ZFP36L1: variants seen among roughly 807,000 people sequenced by gnomAD.
ZFP36L1 encodes ZFP36 like 1 zinc finger CCCH-type, also known as mRNA decay activator protein ZFP36L1.
Under a neutral mutation model 16.7 loss-of-function variants are expected in ZFP36L1, and 4 were observed. That is an observed-to-expected ratio of 0.24 (90% CI 0.12 to 0.55). The LOEUF (loss-of-function observed/expected upper bound fraction) is 0.55, where lower values mean the gene tolerates loss of function less well. Among genes scored for constraint, ZFP36L1 ranks in the 20% least tolerant of loss-of-function variants. The probability of loss-of-function intolerance (pLI) is 0.94; values close to 1 mark genes in which losing one functional copy is unlikely to be tolerated. For missense variants in ZFP36L1, 311 were observed against 449.2 expected (o/e 0.69, Z 2.78); for synonymous variants, 220 against 190.8 (o/e 1.15, Z -1.26).
In ZFP36L1 at chr14:68,787,819, T is replaced by C. The variant is rs781122247; in HGVS notation, c.*1714A>G. ...ATAATTACATTCATCTTAATGTGTG[T>C]GTGCCAGTTCTGTTTACATTAACAT... is the stretch of plus-strand genomic sequence containing the variant. On this transcript the variant is annotated 3_prime_UTR_variant, in exon 2 of 2. Transcript: ENST00000439696. 1.3e-5 allele frequency: 2 copies of C among 152,802 alleles called. No individual in the cohort carries two copies. Among genetic ancestry groups the C allele is most frequent in the Non-Finnish European group, 2.9e-5 (2 of 68,042 alleles). 9.5% of individuals were successfully genotyped at this position (152,802 alleles called of 1,614,324 possible).
chr14:68,795,314 C>G (rs998975060), upstream of ZFP36L1, among the ~76,000 whole-genome samples: 2 of 146,634 alleles, frequency 1.4e-5, no homozygotes, highest in African/African-American at 5.0e-5. Flanking sequence ...CTCCCCCACC[C>G]CCCACCCCCC....
chr14:68,792,981 G>A lies in ZFP36L1; in HGVS notation c.-43C>T, dbSNP rs1357959652. 3.7e-6 allele frequency: 6 copies of A among 1,612,308 alleles called. No homozygotes were observed. Among genetic ancestry groups the A allele is most frequent in the African/African-American group, 2.7e-5 (2 of 74,888 alleles). Reference sequence around the variant, plus strand: ...GCCAGGGGCGAGGATCTGGTGTGTCGCGAAGGTCCCGGTGCGGGGAAGGCG... The same window carrying A: ...GCCAGGGGCGAGGATCTGGTGTGTCACGAAGGTCCCGGTGCGGGGAAGGCG... On this transcript the variant is annotated 5_prime_UTR_variant, in exon 1 of 2. Coordinates refer to ENST00000439696, the MANE Select transcript of ZFP36L1 (RefSeq NM_004926.4).
At chr14:68,795,952 G>T (rs750738531), upstream of ZFP36L1, 3 of 1,273,816 alleles carry the variant, frequency 2.4e-6, no homozygotes, top group Non-Finnish European at 3.2e-6. Flanking sequence ...GGTGGCGGGA[G>T]GGCGGCCCTA....
At chr14:68,793,808 A>G (rs1300142540), upstream of ZFP36L1, 2 of 984,040 alleles carry the variant, frequency 2.0e-6, no homozygotes, top group Non-Finnish European at 2.4e-6. Flanking sequence ...TGGGGGGACT[A>G]GGGAAACTTT....
In ZFP36L1 at chr14:68,789,936, G is replaced by C; in HGVS notation, c.614C>G (p.Ala205Gly). Residue 205 changes from alanine (A) to glycine (G), a missense_variant, in exon 2 of 2, where the codon GCT becomes GGT. Coordinates refer to ENST00000439696, the MANE Select transcript of ZFP36L1 (RefSeq NM_004926.4). The surrounding 1 kb of genome is among the most constrained non-coding windows in gnomAD (Gnocchi z 4.5). ...RPRLQHSFSF[A>G]GFPSAAATAA... ...GGTGGCAGCGGCACTGGGAAACCCA[G>C]CAAAGCTAAAGCTATGCTGGAGGCG... 6.2e-7 allele frequency: 1 copy of C among 1,609,976 alleles called. No homozygotes were observed. Among genetic ancestry groups the C allele is most frequent in the Non-Finnish European group, 8.5e-7 (1 of 1,179,382 alleles).
At chr14:68,795,873 C>T, upstream of ZFP36L1, 2 of 639,288 alleles carry the variant, frequency 3.1e-6, no homozygotes, top group South Asian at 2.7e-5. Context: ...CCGGCGTCCC[C>T]GCCGCGGTGA....
In ZFP36L1 at chr14:68,789,960, C is replaced by T. The variant is rs1566559839; in HGVS notation, c.590G>A (p.Arg197His). 1.2e-6 allele frequency: 2 copies of T among 1,606,642 alleles called. No individual in the cohort carries two copies. The highest frequency in any genetic ancestry group is 8.5e-7 in the Non-Finnish European group (1 of 1,177,092). ...AGCAAAGCTAAAGCTATGCTGGAGG[C>T]GGGGACGGTCAGCGGAGAGGTCCCG... ...GARDLSADRPRLQHSFSFAGF... is the reference protein window; with the variant it reads ...GARDLSADRPHLQHSFSFAGF... The change falls in exon 2 of 2, where the codon CGC becomes CAC. Residue 197 changes from arginine to histidine, a missense_variant. Arg to His is a conservative substitution (Grantham distance 29). Around this residue, in one of 4 missense-constraint regions of ZFP36L1, gnomAD observed 147 missense variants for 192.0 expected, o/e 0.77. Coordinates refer to ENST00000439696, the MANE Select transcript of ZFP36L1 (RefSeq NM_004926.4). This position sits in a 1 kb window ranked among gnomAD's most constrained non-coding sequence, Gnocchi z 4.5.
chr14:68,789,914 G>A lies in ZFP36L1; in HGVS notation c.636C>T (p.Ala212=), dbSNP rs757366032. 10 of 1,609,788 alleles carry A rather than the reference G, an allele frequency of 6.2e-6. No homozygotes were observed. Among genetic ancestry groups the A allele is most frequent in the Non-Finnish European group, 8.5e-6 (10 of 1,179,688 alleles). The change falls in exon 2 of 2, where the codon GCC becomes GCT. Residue 212 remains alanine (A), a synonymous_variant. Coordinates refer to ENST00000439696, the MANE Select transcript of ZFP36L1 (RefSeq NM_004926.4). This position sits in a 1 kb window ranked among gnomAD's most constrained non-coding sequence, Gnocchi z 4.5. The part of the protein sequence containing the change: ...FSFAGFPSAA[A]TAAATGLLDS... ...CCAGCAGCCCGGTGGCAGCGGCGGT[G>A]GCAGCGGCACTGGGAAACCCAGCAA...
intron 1 of ZFP36L1, among the ~76,000 whole-genome samples, chr14:68,792,181 A>T (rs1170569145): frequency 6.7e-6 from 1 of 149,888 alleles, no homozygotes; most frequent in African/African-American, 2.5e-5. Context: ...TTTTGTCGCC[A>T]CCTCCCCCCC....
chr14:68,793,680 C>G (rs983686090), upstream of ZFP36L1: 2 of 985,420 alleles, frequency 2.0e-6, no homozygotes, highest in South Asian at 9.4e-5. Context: ...ACACTCGGCT[C>G]CCTTCGGCAA....
upstream of ZFP36L1, chr14:68,795,700 A>G: frequency 8.1e-6 from 4 of 490,954 alleles, no homozygotes; most frequent in Admixed American, 8.5e-5. Flanking sequence ...CTCGCTCCCG[A>G]GTTGTTTACC....
Position 68,792,948 on chromosome 14 carries a change from T to C in ZFP36L1, c.-10A>G, listed in dbSNP as rs1000947556. ...CGAGGGTGGTGGTCATCCTGTGCGT[T>C]CGCGCGAGCCAGGGGCGAGGATCTG... On this transcript the variant is annotated 5_prime_UTR_variant, in exon 1 of 2. Coordinates refer to ENST00000439696, the MANE Select transcript of ZFP36L1 (RefSeq NM_004926.4). 6.2e-7 allele frequency: 1 copy of C among 1,613,758 alleles called. No individual in the cohort carries two copies. Among genetic ancestry groups the C allele is most frequent in the South Asian group, 1.1e-5 (1 of 91,076 alleles).
intron 1 of ZFP36L1, among the ~76,000 whole-genome samples, chr14:68,792,394 A>T (rs1314829162): frequency 6.6e-6 from 1 of 152,126 alleles, no homozygotes; most frequent in African/African-American, 2.4e-5. Context: ...TCTTCCTCGC[A>T]TATCCCCAGC....
rs201731801 is a variant in ZFP36L1 at position 68,789,974 on chromosome 14, G to A, written c.576C>T (p.Ser192=). The A allele has an allele frequency of 1.2e-6, 2 of 1,606,414 alleles. No individual in the cohort carries two copies. Among genetic ancestry groups the A allele is most frequent in the African/African-American group, 1.3e-5 (1 of 74,714 alleles). Residue 192 remains serine, a synonymous_variant, in exon 2 of 2, where the codon TCC becomes TCT. Transcript: ENST00000439696. The surrounding 1 kb of genome is among the most constrained non-coding windows in gnomAD (Gnocchi z 4.5). ...RRALAGARDL[S]ADRPRLQHSF... ...TATGCTGGAGGCGGGGACGGTCAGC[G>A]GAGAGGTCCCGGGCCCCGGCCAGGG...
chr14:68,792,410 C>A (rs182634777), intron 1 of ZFP36L1, among the ~76,000 whole-genome samples: 2 of 152,166 alleles, frequency 1.3e-5, no homozygotes, highest in Admixed American at 6.5e-5. Flanking sequence ...CCAGCTCCCC[C>A]CAAAGAGTGG....
upstream of ZFP36L1, chr14:68,796,094 C>A (rs773195853): frequency 2.8e-5 from 38 of 1,361,248 alleles, no homozygotes; most frequent in Non-Finnish European, 3.7e-5. Context: ...CGCTTCCGAC[C>A]GGGAGGCGGT....
intron 1 of ZFP36L1, chr14:68,791,149 C>G: frequency 1.5e-6 from 1 of 687,132 alleles, no homozygotes. Context: ...GCCCTAAGTT[C>G]CCGGAAGAGA....
chr14:68,796,042 C>T (rs750650806), upstream of ZFP36L1: 14 of 1,333,658 alleles, frequency 1.0e-5, no homozygotes, highest in East Asian at 9.7e-5. Context: ...CCGCTCCTTA[C>T]CCGCGCAGTC....
At chr14:68,790,799 C>T (rs1399607410) in intron 1 of ZFP36L1, among the ~76,000 whole-genome samples, 1 of 152,150 alleles carries the variant, frequency 6.6e-6, no homozygotes, top group Non-Finnish European at 1.5e-5. Flanking sequence ...AACTTTTTTA[C>T]TAGTCAAATA....
Sources: gnomAD v4.1 joint callset for allele counts (sites outside exome capture counted in the v4.1 genomes callset) on GRCh38, gnomAD v4.1.1 for gene constraint, gnomAD v4.1.1 regional missense constraint, Gnocchi (gnomAD v3.1) non-coding constraint, MANE v1.5 for transcripts, NCBI Gene and HGNC (gene_info 2026-07-23, HGNC 2026-07-21) for gene names.